Variants in IL1RAPL1 observed in about 807,000 individuals in gnomAD.
The protein encoded by IL1RAPL1 is interleukin-1 receptor accessory protein-like 1.
A neutral mutation model predicts 48.4 loss-of-function variants in IL1RAPL1; 3 were observed. The ratio of observed to expected loss-of-function variants is 0.06; its 90% CI spans 0.03 to 0.16. The LOEUF (loss-of-function observed/expected upper bound fraction) is 0.16. Ranked by LOEUF, IL1RAPL1 falls within the 10% of genes least tolerant of loss-of-function variation. The pLI is 1.00. For missense variants in IL1RAPL1, 349 were observed against 530.6 expected (o/e 0.66, Z 3.36); for synonymous variants, 185 against 187.7 (o/e 0.99, Z 0.12).
chrX:29,431,486 G>T (rs141240056), intron 5 of IL1RAPL1, among the ~76,000 whole-genome samples: 1,485 of 111,679 alleles, frequency 0.013, 5 homozygotes, highest in Non-Finnish European at 0.02. Context: ...GCTTGGTGAT[G>T]AACACACTAG....
At chrX:29,550,345 C>A (rs1165055513) in intron 5 of IL1RAPL1, among the ~76,000 whole-genome samples, 1 of 110,786 alleles carries the variant, frequency 9.0e-6, no homozygotes. Flanking sequence ...GCGCCCGCCA[C>A]CACGCCCGGC....
chrX:29,081,014 C>CTTT lies in IL1RAPL1; in HGVS notation c.83-201923_83-201922insTTT, dbSNP rs1569232841. Among the ~76,000 whole-genome samples the CTTT allele has an allele frequency of 2.4e-3, 165 of 67,450 alleles. 1 individual carries two copies. Among genetic ancestry groups the CTTT allele is most frequent in the East Asian group, 7.1e-3 (14 of 1,969 alleles). The allele number at this position is 67,450 out of a possible 115,157, so 58.6% of individuals were successfully genotyped here. Reference sequence around the variant, plus strand: ...TTTCTTTCTCTCTCTCTCTCTCTCTCTCTCTCTTTCTTTTCTTTTCTTTTC... The same window carrying CTTT: ...TTTCTTTCTCTCTCTCTCTCTCTCTCTTTTCTCTCTTTCTTTTCTTTTCTTTTC... On this transcript the variant is annotated intron_variant, in intron 2 of 10. Transcript: ENST00000378993.
At chrX:29,581,704 GGATAGTAAAATCATTAA>G (rs1391643925) in intron 5 of IL1RAPL1, among the ~76,000 whole-genome samples, 1 of 110,554 alleles carries the variant, frequency 9.0e-6, no homozygotes, top group African/African-American at 3.3e-5. Context: ...TTTGGTGTGA[GGATAGTAAAATCATTAA>G]GAATAGGAAG....
chrX:29,939,912 G>A (rs1933098037), intron 8 of IL1RAPL1, among the ~76,000 whole-genome samples: 1 of 104,335 alleles, frequency 9.6e-6, no homozygotes, highest in Admixed American at 1.0e-4. Context: ...GCCCAGGCTG[G>A]AGTGTAGTGG....
chrX:29,381,827 AAAAAAAATAT>A (rs1280450673), intron 3 of IL1RAPL1, among the ~76,000 whole-genome samples: 10 of 36,149 alleles, frequency 2.8e-4, no homozygotes, highest in African/African-American at 6.0e-4. Context: ...AAAAAAAAAA[AAAAAAAATAT>A]ATATATATAT....
chrX:29,588,257 A>T (rs1013516658), intron 5 of IL1RAPL1, among the ~76,000 whole-genome samples: 4 of 112,343 alleles, frequency 3.6e-5, no homozygotes, highest in African/African-American at 1.3e-4. Context: ...TGGAGATTCA[A>T]TGGGAAGCAA....
chrX:28,620,594 CTCTATT>C (rs1473012436), intron 1 of IL1RAPL1, among the ~76,000 whole-genome samples: 1 of 111,735 alleles, frequency 8.9e-6, no homozygotes, highest in Non-Finnish European at 1.9e-5. Flanking sequence ...CAGACTTTTC[CTCTATT>C]TCTTTCACCA....
intron 2 of IL1RAPL1, among the ~76,000 whole-genome samples, chrX:29,116,148 A>T (rs191029823): frequency 9.0e-6 from 1 of 111,593 alleles, no homozygotes; most frequent in East Asian, 2.8e-4. Context: ...ATTTAAATGT[A>T]TTCACATGTT....
intron 5 of IL1RAPL1, among the ~76,000 whole-genome samples, chrX:29,550,285 G>A (rs1008088509): frequency 3.6e-5 from 4 of 110,389 alleles, no homozygotes; most frequent in African/African-American, 9.9e-5. Context: ...TCCGCCTCCC[G>A]GGTTCACGCC....
chrX:29,140,093 T>C (rs1366012858), intron 2 of IL1RAPL1, among the ~76,000 whole-genome samples: 1 of 110,898 alleles, frequency 9.0e-6, no homozygotes, highest in East Asian at 2.8e-4. Context: ...AAACATAATA[T>C]GGTGAGAGAG....
chrX:29,683,428 A>T (rs1408547969), intron 6 of IL1RAPL1, among the ~76,000 whole-genome samples: 1 of 112,318 alleles, frequency 8.9e-6, no homozygotes. Flanking sequence ...TCCAGTAGGT[A>T]CAGCTTTCCT....
chrX:28,669,794 T>C (rs1481691099), intron 1 of IL1RAPL1, among the ~76,000 whole-genome samples: 1 of 104,688 alleles, frequency 9.6e-6, no homozygotes, highest in Non-Finnish European at 1.9e-5. Flanking sequence ...TGTATATATA[T>C]ATATCCCCTC....
intron 3 of IL1RAPL1, among the ~76,000 whole-genome samples, chrX:29,294,529 A>T (rs1206353709): frequency 9.1e-6 from 1 of 110,245 alleles, no homozygotes; most frequent in Admixed American, 9.8e-5. Flanking sequence ...AAAAAAAAAA[A>T]AAAAGTAAAA....
intron 6 of IL1RAPL1, among the ~76,000 whole-genome samples, chrX:29,893,046 C>A (rs1460482327): frequency 9.0e-6 from 1 of 111,516 alleles, no homozygotes; most frequent in Non-Finnish European, 1.9e-5. Flanking sequence ...CCTAGTAGAT[C>A]TTATCTTAAT....
intron 1 of IL1RAPL1, among the ~76,000 whole-genome samples, chrX:28,617,351 C>T (rs1401034947): frequency 9.0e-6 from 1 of 111,507 alleles, no homozygotes; most frequent in Admixed American, 9.6e-5. Context: ...CTGTTCTCTA[C>T]AGTTTCTAAA....
At chrX:29,435,737 A>T (rs1934474876) in intron 5 of IL1RAPL1, among the ~76,000 whole-genome samples, 1 of 111,277 alleles carries the variant, frequency 9.0e-6, no homozygotes, top group Admixed American at 9.6e-5. Flanking sequence ...GATGAAGTTG[A>T]GGCTCTGACT....
chrX:29,654,581 C>T (rs1602347842), intron 5 of IL1RAPL1, among the ~76,000 whole-genome samples: 1 of 111,635 alleles, frequency 9.0e-6, no homozygotes, highest in African/African-American at 3.3e-5. Flanking sequence ...TTCACCATCA[C>T]AAGAACAGCA....
At chrX:28,760,027 TAAAAG>T (rs1280556903) in intron 1 of IL1RAPL1, among the ~76,000 whole-genome samples, 2 of 112,205 alleles carry the variant, frequency 1.8e-5, no homozygotes, top group South Asian at 3.7e-4. Context: ...CTCAAATTGA[TAAAAG>T]AAAAAAGTTT....
At chrX:28,888,892 T>C (rs1043524826) in intron 2 of IL1RAPL1, among the ~76,000 whole-genome samples, 2 of 110,926 alleles carry the variant, frequency 1.8e-5, no homozygotes, top group South Asian at 7.6e-4. Context: ...AATTACCAAA[T>C]ACAGCCCTTT....
Sources: allele counts gnomAD v4.1 joint callset (sites outside exome capture counted in the v4.1 genomes callset), GRCh38; gene constraint gnomAD v4.1.1; transcripts MANE v1.5; gene names NCBI Gene and HGNC (gene_info 2026-07-23, HGNC 2026-07-21).